Variants in GSG1L observed in about 807,000 individuals in gnomAD.
GSG1L encodes the protein GSG1 like, also known as germ cell-specific gene 1-like protein.
In GSG1L, 24 loss-of-function variants were observed where a neutral mutation model predicts 42.1. The observed-to-expected ratio is 0.57, with a 90% CI of 0.41 to 0.80. The LOEUF (loss-of-function observed/expected upper bound fraction) is 0.80. GSG1L is among the 30% of genes least tolerant of loss of function. The pLI, the probability that GSG1L is intolerant of heterozygous loss-of-function variation, is 0.00. For missense variants in GSG1L, 445 were observed against 472.2 expected (o/e 0.94, Z 0.53); for synonymous variants, 215 against 203.5 (o/e 1.06, Z -0.48).
intron 2 of GSG1L, among the ~76,000 whole-genome samples, chr16:27,947,540 G>GGAAAGAGAAA (rs2084893142): frequency 1.0e-5 from 1 of 97,098 alleles, no homozygotes; most frequent in South Asian, 4.0e-4. Flanking sequence ...AAAGAATGAA[G>GGAAAGAGAAA]GAAAGAAAGA....
chr16:27,977,265 A>G (rs1378096646), intron 1 of GSG1L, among the ~76,000 whole-genome samples: 1 of 152,174 alleles, frequency 6.6e-6, no homozygotes, highest in African/African-American at 2.4e-5. Context: ...GTTATCATGC[A>G]GGGGACTGAC....
intron 1 of GSG1L, among the ~76,000 whole-genome samples, chr16:28,061,301 C>T (rs2086337377): frequency 6.6e-6 from 1 of 152,170 alleles, no homozygotes; most frequent in South Asian, 2.1e-4. Context: ...GCCAAGATGC[C>T]TTTTGAAGTT....
intron 3 of GSG1L, among the ~76,000 whole-genome samples, chr16:27,872,344 G>A (rs144149141): frequency 6.6e-6 from 1 of 152,314 alleles, no homozygotes; most frequent in Non-Finnish European, 1.5e-5. Context: ...GCCAGCAGTA[G>A]ACTACATGGA....
intron 2 of GSG1L, among the ~76,000 whole-genome samples, chr16:27,939,779 T>A (rs1252903474): frequency 6.6e-6 from 1 of 152,218 alleles, no homozygotes. Context: ...ACTTCATGCA[T>A]CACCAAAATT....
chr16:28,044,623 C>CA (rs1335892099), intron 1 of GSG1L, among the ~76,000 whole-genome samples: 1 of 130,612 alleles, frequency 7.7e-6, no homozygotes, highest in African/African-American at 2.9e-5. Flanking sequence ...GCAACGAATG[C>CA]TTTTTTTTTT....
chr16:27,893,020 C>T (rs2084147090), intron 2 of GSG1L, among the ~76,000 whole-genome samples: 1 of 152,076 alleles, frequency 6.6e-6, no homozygotes, highest in East Asian at 1.9e-4. Context: ...TCAGCAGGCC[C>T]GGCAGAGCCT....
intron 2 of GSG1L, among the ~76,000 whole-genome samples, chr16:27,897,279 G>A (rs1426880256): frequency 6.6e-6 from 1 of 151,894 alleles, no homozygotes; most frequent in Non-Finnish European, 1.5e-5. Flanking sequence ...ATCAGCAAGA[G>A]GAAACTAATA....
chr16:27,904,189 G>A (rs1244904841), intron 2 of GSG1L, among the ~76,000 whole-genome samples: 3 of 151,920 alleles, frequency 2.0e-5, no homozygotes, highest in Non-Finnish European at 4.4e-5. Context: ...CCTACCTCAG[G>A]CTCCCAAGTA....
chr16:27,843,639 G>T (rs186595224), intron 4 of GSG1L, among the ~76,000 whole-genome samples: 1 of 152,234 alleles, frequency 6.6e-6, no homozygotes, highest in Admixed American at 6.5e-5. Context: ...TAAGGAGAGG[G>T]CATGAGGGCA....
intron 3 of GSG1L, among the ~76,000 whole-genome samples, chr16:27,867,939 C>A (rs1200988286): frequency 6.6e-6 from 1 of 152,248 alleles, no homozygotes; most frequent in Non-Finnish European, 1.5e-5. Flanking sequence ...CCCAGAAATT[C>A]CCAGCATCCC....
intron 1 of GSG1L, among the ~76,000 whole-genome samples, chr16:28,035,466 A>G (rs2086022730): frequency 6.6e-6 from 1 of 152,150 alleles, no homozygotes; most frequent in Admixed American, 6.5e-5. Flanking sequence ...CCATCTACTC[A>G]TCTCCCTCAC....
chr16:27,897,819 G>C (rs897845524), intron 2 of GSG1L, among the ~76,000 whole-genome samples: 5 of 152,114 alleles, frequency 3.3e-5, no homozygotes, highest in African/African-American at 1.2e-4. Flanking sequence ...CAGTTTCTTT[G>C]GCTATAAAAC....
chr16:27,991,593 C>T (rs1043700790), intron 1 of GSG1L, among the ~76,000 whole-genome samples: 31 of 151,496 alleles, frequency 2.0e-4, no homozygotes, highest in Non-Finnish European at 4.1e-4. Context: ...TTAGTAGACA[C>T]GAGGTTTCGC....
intron 1 of GSG1L, among the ~76,000 whole-genome samples, 161 bp from the exon 2 acceptor site, chr16:27,963,364 G>A (rs1426294772): frequency 6.6e-6 from 1 of 152,040 alleles, no homozygotes; most frequent in Non-Finnish European, 1.5e-5. Context: ...AACATCCCAG[G>A]AGTGTGGATG....
At chr16:27,791,975 G>C (rs570785130) in intron 6 of GSG1L, among the ~76,000 whole-genome samples, 1 of 152,020 alleles carries the variant, frequency 6.6e-6, no homozygotes, top group South Asian at 2.1e-4. Context: ...ACCCCCTGCA[G>C]TCACGTTCAC....
chr16:27,946,584 AGAGAGAGAGAGAGAGAGAG>A (rs2084865578), intron 2 of GSG1L, among the ~76,000 whole-genome samples: 7 of 22,766 alleles, frequency 3.1e-4, no homozygotes, highest in African/African-American at 1.0e-3. Flanking sequence ...AAAGAAAGAG[AGAGAGAGAGAGAGAGAGAG>A]AGAGAGAGAG....
chr16:27,792,226 A>T (rs1019721885), intron 6 of GSG1L, among the ~76,000 whole-genome samples: 1 of 152,134 alleles, frequency 6.6e-6, no homozygotes, highest in African/African-American at 2.4e-5. Flanking sequence ...TTAGAAGGGG[A>T]ACAAGAGCAG....
Position 28,063,574 on chromosome 16 carries a change from G to GC in GSG1L, c.-151dup, listed in dbSNP as rs1000660059. The GC allele has an allele frequency of 4.6e-3, 1,120 of 242,660 alleles. 13 individuals carry two copies. Among genetic ancestry groups the GC allele is most frequent in the African/African-American group, 0.022 (946 of 42,248 alleles). 15.0% of individuals were successfully genotyped at this position (242,660 alleles called of 1,614,324 possible). Reference sequence around the variant, plus strand: ...GGCGGCGGACGCGGCGCGGGCCCATGCCCCCCCCAACCCCGGGGTGGGGGC... The same window carrying GC: ...GGCGGCGGACGCGGCGCGGGCCCATGCCCCCCCCCAACCCCGGGGTGGGGGC... On this transcript the variant is annotated 5_prime_UTR_variant, in exon 1 of 7. Transcript: ENST00000447459. The surrounding 1 kb of genome is among the most constrained non-coding windows in gnomAD (Gnocchi z 5.8).
At chr16:28,049,733 C>A (rs952750351) in intron 1 of GSG1L, among the ~76,000 whole-genome samples, 1 of 151,834 alleles carries the variant, frequency 6.6e-6, no homozygotes, top group Non-Finnish European at 1.5e-5. Flanking sequence ...AGTGATCAAT[C>A]AGCAAGGACT....
Sources: gnomAD v4.1 joint callset for allele counts (sites outside exome capture counted in the v4.1 genomes callset) on GRCh38, gnomAD v4.1.1 for gene constraint, Gnocchi (gnomAD v3.1) non-coding constraint, MANE v1.5 for transcripts, NCBI Gene and HGNC (gene_info 2026-07-23, HGNC 2026-07-21) for gene names.